The following ZNF384 variants were observed in gnomAD, a reference collection of about 807,000 sequenced individuals.
ZNF384 encodes the protein zinc finger protein 384.
ZNF384 carries 20 observed loss-of-function variants against 65.0 expected under a neutral mutation model. The ratio of observed to expected loss-of-function variants is 0.31; its 90% CI spans 0.22 to 0.45. The LOEUF (loss-of-function observed/expected upper bound fraction) is 0.45. Ranked by LOEUF, ZNF384 falls within the 20% of genes least tolerant of loss-of-function variation. The pLI is 1.00. For synonymous variants in ZNF384, 310 were observed against 303.9 expected (o/e 1.02, Z -0.21); for missense variants, 549 against 769.4 (o/e 0.71, Z 3.39).
chr12:6,667,268 AAGAAT>A lies in ZNF384; in HGVS notation c.*441_*445del, dbSNP rs1325499207. On this transcript the variant is annotated 3_prime_UTR_variant, in exon 12 of 12. Coordinates refer to ENST00000683879, the MANE Select transcript of ZNF384 (RefSeq NM_001385745.1). ...GAGAAACCTCTGTTCTTTTGCAGGC[AAGAAT>A]AGAACAAGAGGCTGGTTGCATTTGG... 1 of 328,724 alleles carries A rather than the reference AAGAAT, an allele frequency of 3.0e-6. No homozygotes were observed. Among genetic ancestry groups the A allele is most frequent in the East Asian group, 4.6e-5 (1 of 21,552 alleles). The allele number at this position is 328,724 out of a possible 1,614,324, so 20.4% of individuals were successfully genotyped here.
In ZNF384 at chr12:6,673,072, CCA is replaced by C; in HGVS notation, c.1004+142_1004+143del. Reference sequence around the variant, plus strand: ...CCCAAATAGCTAGGATATATAATTTCCACAGACAGTAATAGGAGGTTGAGGCT... The same window carrying C: ...CCCAAATAGCTAGGATATATAATTTCCAGACAGTAATAGGAGGTTGAGGCT... On this transcript the variant is annotated intron_variant, in intron 8 of 11. Coordinates refer to ENST00000683879, the MANE Select transcript of ZNF384 (RefSeq NM_001385745.1). This position sits in a 1 kb window ranked among gnomAD's most constrained non-coding sequence, Gnocchi z 4.7. The C allele has an allele frequency of 1.3e-6, 1 of 753,286 alleles. No individual in the cohort carries two copies. The highest frequency in any genetic ancestry group is 1.9e-5 in the South Asian group (1 of 52,196). 46.7% of individuals were successfully genotyped at this position (753,286 alleles called of 1,614,324 possible).
rs919458876 is a variant in ZNF384 at position 6,673,353 on chromosome 12, G to A, written c.867C>T (p.Cys289=). 1 of 1,614,056 alleles carries A rather than the reference G, an allele frequency of 6.2e-7. No homozygotes were observed. The highest frequency in any genetic ancestry group is 8.5e-7 in the Non-Finnish European group (1 of 1,180,004). ...TGGCGAAGGTCTTGGAGCAATGTGG[G>A]CACTTGTGGGGCTTGGTCTCGGTGT... ...KSHTETKPHK[C]PHCSKTFANS... The change falls in exon 8 of 12, where the codon TGC becomes TGT. Residue 289 remains cysteine (C), a synonymous_variant. Transcript: ENST00000683879. The surrounding 1 kb of genome is among the most constrained non-coding windows in gnomAD (Gnocchi z 4.7).
intron 10 of ZNF384, 117 bp from the exon 11 acceptor site, chr12:6,669,306 A>G: frequency 9.8e-7 from 1 of 1,019,908 alleles, no homozygotes; most frequent in Non-Finnish European, 1.4e-6. Context: ...CCTCTATCTG[A>G]AGAAAGTAGA....
intron 11 of ZNF384, 85 bp downstream of exon 11, chr12:6,668,946 A>G (rs781087636): frequency 3.4e-5 from 49 of 1,444,574 alleles, no homozygotes; most frequent in Non-Finnish European, 4.5e-5. Context: ...TATTCACTGC[A>G]ACAGATCTCT....
At chr12:6,679,363 C>T (rs967915580) in intron 3 of ZNF384, 92 bp downstream of exon 3, 8 of 1,328,448 alleles carry the variant, frequency 6.0e-6, no homozygotes, top group Non-Finnish European at 7.5e-6. Context: ...GGTGGGGGAC[C>T]CAGTAAAACA....
In ZNF384 at chr12:6,667,353, A is replaced by C; in HGVS notation, c.*361T>G. On this transcript the variant is annotated 3_prime_UTR_variant, in exon 12 of 12. Coordinates refer to ENST00000683879, the MANE Select transcript of ZNF384 (RefSeq NM_001385745.1). ...CCAGCCTCTAGTCTTACATCAGCCC[A>C]AACTTTGAGGATAAGGAGGGTAAGG... 2.3e-6 allele frequency: 1 copy of C among 433,556 alleles called. No homozygotes were observed. The highest frequency in any genetic ancestry group is 2.5e-5 in the South Asian group (1 of 40,808). 26.9% of individuals were successfully genotyped at this position (433,556 alleles called of 1,614,324 possible). A position where few individuals can be genotyped will look rare whatever the true frequency, so the allele number is the denominator to read the frequency against.
chr12:6,681,088 G>A (rs572662883), intron 2 of ZNF384, among the ~76,000 whole-genome samples: 2 of 151,692 alleles, frequency 1.3e-5, no homozygotes, highest in Admixed American at 1.3e-4. Flanking sequence ...GCATGGTGGC[G>A]CATGCCTGTA....
chr12:6,686,056 G>T (rs936690756), intron 2 of ZNF384, among the ~76,000 whole-genome samples: 1 of 152,160 alleles, frequency 6.6e-6, no homozygotes, highest in African/African-American at 2.4e-5. Context: ...TCCAGCAGGT[G>T]TTTTTGGCAG....
rs370191983 is a variant in ZNF384, at chr12:6,679,501, T to G, written c.20A>C (p.Asn7Thr). Residue 7 changes from asparagine (N) to threonine (T), a missense_variant, in exon 3 of 12, where the codon AAT (asparagine) becomes ACT (threonine). By Grantham distance (65) the Asn-to-Thr change is moderately conservative (BLOSUM62 0). This residue lies in a region of ZNF384 where 277 missense variants were observed against 337.2 expected (regional missense o/e 0.82). Coordinates refer to ENST00000683879, the MANE Select transcript of ZNF384 (RefSeq NM_001385745.1). The part of the protein sequence containing the change: MEESHF[N>T]SNPYFWPSIP... ...AGAAGGCCAGAAGTACGGGTTAGAA[T>G]TGAAGTGAGATTCTTCCATTCTACC... 2 of 1,614,042 alleles carry G rather than the reference T, an allele frequency of 1.2e-6. No homozygotes were observed. Among genetic ancestry groups the G allele is most frequent in the South Asian group, 2.2e-5 (2 of 91,076 alleles).
chr12:6,672,317 G>A lies in ZNF384; in HGVS notation c.1187+33C>T. 1.9e-6 allele frequency: 3 copies of A among 1,599,270 alleles called. No individual in the cohort carries two copies. The highest frequency in any genetic ancestry group is 2.6e-6 in the Non-Finnish European group (3 of 1,171,558). ...CGGGGGTGGGGAGGGCATGCCAGCG[G>A]GGCGGGGTCAGTAGCCCGCCACTCT... On this transcript the variant is annotated intron_variant, in intron 9 of 11. Transcript: ENST00000683879. This position sits in a 1 kb window ranked among gnomAD's most constrained non-coding sequence, Gnocchi z 4.4.
intron 9 of ZNF384, chr12:6,671,590 C>G (rs1404279595): frequency 6.6e-6 from 1 of 152,228 alleles, no homozygotes; most frequent in Non-Finnish European, 1.5e-5. Flanking sequence ...AGCCTGACTC[C>G]TCCTCTTCTC....
rs1018222087 is a variant in ZNF384, at chr12:6,672,268, G to A, written c.1187+82C>T. 4 of 1,445,868 alleles carry A rather than the reference G, an allele frequency of 2.8e-6. No homozygotes were observed. The highest frequency in any genetic ancestry group is 2.8e-5 in the African/African-American group (2 of 71,150). The allele number at this position is 1,445,868 out of a possible 1,614,324, so 89.6% of individuals were successfully genotyped here. A position where few individuals can be genotyped will look rare whatever the true frequency, so the allele number is the denominator to read the frequency against. Reference sequence around the variant, plus strand: ...CAGGTCTCTCCCCCGCCCCCCGCATGCGGGTTGTTGTGTGTGTCCGGGGCG... The same window carrying A: ...CAGGTCTCTCCCCCGCCCCCCGCATACGGGTTGTTGTGTGTGTCCGGGGCG... On this transcript the variant is annotated intron_variant, in intron 9 of 11. Coordinates refer to ENST00000683879, the MANE Select transcript of ZNF384 (RefSeq NM_001385745.1). The surrounding 1 kb of genome is among the most constrained non-coding windows in gnomAD (Gnocchi z 4.4).
chr12:6,678,911 A>G lies in ZNF384; in HGVS notation c.304+35T>C, dbSNP rs892821449. The stretch of plus-strand genomic sequence containing the variant: ...CCTGGGGTACTGATCATGGAAGATC[A>G]ACACCTCAGATTGGAGAAGAGCAGA... On this transcript the variant is annotated intron_variant, in intron 4 of 11. Transcript: ENST00000683879. This position sits in a 1 kb window ranked among gnomAD's most constrained non-coding sequence, Gnocchi z 4.9. 2 of 1,601,744 alleles carry G rather than the reference A, an allele frequency of 1.2e-6. No individual in the cohort carries two copies. Among genetic ancestry groups the G allele is most frequent in the Admixed American group, 3.3e-5 (2 of 59,910 alleles).
chr12:6,680,685 A>G (rs1955594978), intron 2 of ZNF384, among the ~76,000 whole-genome samples: 1 of 151,974 alleles, frequency 6.6e-6, no homozygotes, highest in Admixed American at 6.6e-5. Context: ...ACATATTTTG[A>G]GTACCAACTA....
chr12:6,669,815 A>C (rs917619947), intron 10 of ZNF384, among the ~76,000 whole-genome samples: 7 of 152,136 alleles, frequency 4.6e-5, no homozygotes, highest in African/African-American at 1.4e-4. Flanking sequence ...TCTTTTCAAA[A>C]TAATAAGACA....
intron 10 of ZNF384, among the ~76,000 whole-genome samples, chr12:6,669,461 A>G (rs898760951): frequency 2.0e-5 from 3 of 151,450 alleles, no homozygotes; most frequent in African/African-American, 7.3e-5. Context: ...TTTAGGGAAC[A>G]CTAAGACCTT....
In ZNF384 at chr12:6,678,712, T is replaced by C. The variant is rs770856410; in HGVS notation, c.305-2A>G. The C allele has an allele frequency of 6.2e-7, 1 of 1,613,932 alleles. No individual in the cohort carries two copies. The highest frequency in any genetic ancestry group is 8.5e-7 in the Non-Finnish European group (1 of 1,179,950). The stretch of plus-strand genomic sequence containing the variant: ...TCCACCTCTGAGAACAGGAGACTCC[T>C]TGATTCAGAGAAGGAAAGAATGTCA... On this transcript the variant is annotated splice_acceptor_variant, in intron 4 of 11. Coordinates refer to ENST00000683879, the MANE Select transcript of ZNF384 (RefSeq NM_001385745.1). LOFTEE classifies it high-confidence loss of function. This position sits in a 1 kb window ranked among gnomAD's most constrained non-coding sequence, Gnocchi z 4.9.
At chr12:6,683,523 C>A (rs1956831936) in intron 2 of ZNF384, among the ~76,000 whole-genome samples, 1 of 150,962 alleles carries the variant, frequency 6.6e-6, no homozygotes, top group African/African-American at 2.4e-5. Flanking sequence ...AATAAAAATA[C>A]AAAAATTAGC....
chr12:6,667,573 G>A lies in ZNF384; in HGVS notation c.*141C>T, dbSNP rs763929999. ...GAGTTCAGAAAAAGGATGGTATCCT[G>A]TGAAGGAAAGCCGTGACAGAGGCCC... On this transcript the variant is annotated 3_prime_UTR_variant, in exon 12 of 12. Coordinates refer to ENST00000683879, the MANE Select transcript of ZNF384 (RefSeq NM_001385745.1). 5 of 1,098,008 alleles carry A rather than the reference G, an allele frequency of 4.6e-6. No homozygotes were observed. The highest frequency in any genetic ancestry group is 2.3e-5 in the East Asian group (1 of 42,614). The allele number at this position is 1,098,008 out of a possible 1,614,324, so 68.0% of individuals were successfully genotyped here.
Sources: gnomAD v4.1 joint callset for allele counts (sites outside exome capture counted in the v4.1 genomes callset) on GRCh38, gnomAD v4.1.1 for gene constraint, gnomAD v4.1.1 regional missense constraint, Gnocchi (gnomAD v3.1) non-coding constraint, MANE v1.5 for transcripts, NCBI Gene and HGNC (gene_info 2026-07-23, HGNC 2026-07-21) for gene names.